The following ZNF827 variants were observed in gnomAD, a reference collection of about 807,000 sequenced individuals.
The protein encoded by ZNF827 is zinc finger protein 827.
A neutral mutation model predicts 102.4 loss-of-function variants in ZNF827; 13 were observed. That is an observed-to-expected ratio of 0.13 (90% CI 0.08 to 0.20). The LOEUF is 0.20. ZNF827 is among the 10% of genes least tolerant of loss of function. The pLI is 1.00. For missense variants in ZNF827, 1,103 were observed against 1,344.4 expected, an observed-to-expected ratio of 0.82 and a Z score of 2.81; for synonymous variants, 523 against 536.2, an observed-to-expected ratio of 0.98 and a Z score of 0.34.
chr4:145,924,516 C>G (rs374070370), intron 1 of ZNF827, among the ~76,000 whole-genome samples: 1 of 152,320 alleles, frequency 6.6e-6, no homozygotes, highest in African/African-American at 2.4e-5. Flanking sequence ...AGGGCAAGCC[C>G]TGGCTGAGTG....
intron 7 of ZNF827, among the ~76,000 whole-genome samples, chr4:145,842,920 G>C (rs940572679): frequency 1.3e-5 from 2 of 152,144 alleles, no homozygotes; most frequent in African/African-American, 4.8e-5. Context: ...TTAAAAATCT[G>C]AAGATACAGA....
chr4:145,934,618 G>C (rs1754029082), intron 1 of ZNF827, among the ~76,000 whole-genome samples: 1 of 152,226 alleles, frequency 6.6e-6, no homozygotes, highest in Admixed American at 6.5e-5. Context: ...ATAATACCAA[G>C]TGCTAGTCTG....
chr4:145,903,022 G>A lies in ZNF827; in HGVS notation c.237C>T (p.His79=), dbSNP rs375468272. The A allele has an allele frequency of 4.3e-6, 7 of 1,614,188 alleles. No homozygotes were observed. The South Asian group carries it at 6.6e-5, about 15-fold the overall frequency. ...TSLGSTTPSS[H]TLELVALDSE... ...TGTCCAGTGCCACCAGCTCCAACGTGTGGCTGCTGGGAGTCGTGCTTCCCA... is the reference window on the plus strand; with the variant it reads ...TGTCCAGTGCCACCAGCTCCAACGTATGGCTGCTGGGAGTCGTGCTTCCCA... The change falls in exon 2 of 15, where the codon CAC becomes CAT. Residue 79 remains histidine (H), a synonymous_variant. Coordinates refer to ENST00000508784, the MANE Select transcript of ZNF827 (RefSeq NM_001306215.2).
At chr4:145,818,413 G>A (rs1234529735) in intron 8 of ZNF827, among the ~76,000 whole-genome samples, 1 of 152,188 alleles carries the variant, frequency 6.6e-6, no homozygotes, top group East Asian at 1.9e-4. Context: ...GTTGTTTCCA[G>A]AATTAAAAAT....
chr4:145,924,240 A>G (rs1362976066), intron 1 of ZNF827, among the ~76,000 whole-genome samples: 11 of 152,230 alleles, frequency 7.2e-5, no homozygotes, highest in African/African-American at 1.4e-4. Context: ...GAAAAACAAT[A>G]AACAGAGAAT....
intron 8 of ZNF827, among the ~76,000 whole-genome samples, chr4:145,809,038 C>A (rs1238533195): frequency 6.6e-6 from 1 of 152,182 alleles, no homozygotes; most frequent in Non-Finnish European, 1.5e-5. Context: ...TGGCCTCAAA[C>A]AATCCTCCTG....
intron 8 of ZNF827, among the ~76,000 whole-genome samples, chr4:145,780,635 A>G (rs947684128): frequency 2.6e-5 from 4 of 152,242 alleles, no homozygotes; most frequent in African/African-American, 9.6e-5. Context: ...TTATACAAAC[A>G]TTCCTCCTAT....
At chr4:145,937,580 G>T (rs1754298096) in intron 1 of ZNF827, among the ~76,000 whole-genome samples, 1 of 139,948 alleles carries the variant, frequency 7.1e-6, no homozygotes, top group Admixed American at 7.0e-5. Flanking sequence ...GCCCCGGCGC[G>T]CCCCCTCGCC....
chr4:145,921,245 A>C (rs1017804627), intron 1 of ZNF827, among the ~76,000 whole-genome samples: 2 of 152,230 alleles, frequency 1.3e-5, no homozygotes, highest in East Asian at 1.9e-4. Context: ...TAAAACAAGG[A>C]GTATACAACA....
chr4:145,778,915 G>T, intron 9 of ZNF827, among the ~76,000 whole-genome samples: 1 of 151,762 alleles, frequency 6.6e-6, no homozygotes. Flanking sequence ...TGTTAACTTG[G>T]TTGCCTTCCC....
At chr4:145,905,317 C>T (rs1751759555) in intron 1 of ZNF827, among the ~76,000 whole-genome samples, 1 of 152,154 alleles carries the variant, frequency 6.6e-6, no homozygotes, top group Non-Finnish European at 1.5e-5. Flanking sequence ...AATGCATGAA[C>T]CATACACTAA....
At chr4:145,883,847 C>T (rs1242100440) in intron 4 of ZNF827, among the ~76,000 whole-genome samples, 1 of 152,068 alleles carries the variant, frequency 6.6e-6, no homozygotes, top group Non-Finnish European at 1.5e-5. Context: ...ATAAAAGGAG[C>T]CCCCTTTGCT....
chr4:145,760,872 AG>A lies in ZNF827; in HGVS notation c.*743del. On this transcript the variant is annotated 3_prime_UTR_variant, in exon 15 of 15. Transcript: ENST00000508784. ...TGGGAGGCGCAGTCTGAGGTCGGGG[AG>A]GGTGGAATGTGAGATCCAAGTGGTT... 1 of 1,223,958 alleles carries A rather than the reference AG, an allele frequency of 8.2e-7. No homozygotes were observed. The highest frequency in any genetic ancestry group is 1.4e-5 in the South Asian group (1 of 69,228). 75.8% of individuals were successfully genotyped at this position (1,223,958 alleles called of 1,614,324 possible).
chr4:145,801,833 A>G (rs1313693781), intron 8 of ZNF827, among the ~76,000 whole-genome samples: 3 of 151,934 alleles, frequency 2.0e-5, no homozygotes, highest in African/African-American at 7.3e-5. Flanking sequence ...TTCCCTTTCA[A>G]TACGTATGCT....
chr4:145,765,284 T>C lies in ZNF827; in HGVS notation c.3053-119A>G. ...CCTCCGACGCCTGACAGCTATACCC[T>C]TCCAGGCACTGTTCCCCATATCTCT... On this transcript the variant is annotated intron_variant, in intron 12 of 14. Coordinates refer to ENST00000508784, the MANE Select transcript of ZNF827 (RefSeq NM_001306215.2). The surrounding 1 kb of genome is among the most constrained non-coding windows in gnomAD (Gnocchi z 4.7). The C allele has an allele frequency of 8.7e-7, 1 of 1,147,798 alleles. No individual in the cohort carries two copies. The highest frequency in any genetic ancestry group is 1.2e-6 in the Non-Finnish European group (1 of 832,176). 71.1% of individuals were successfully genotyped at this position (1,147,798 alleles called of 1,614,324 possible). A position where few individuals can be genotyped will look rare whatever the true frequency, so the allele number is the denominator to read the frequency against.
intron 7 of ZNF827, among the ~76,000 whole-genome samples, chr4:145,833,998 G>A (rs1030865924): frequency 2.6e-5 from 4 of 151,846 alleles, no homozygotes; most frequent in African/African-American, 4.8e-5. Flanking sequence ...TTCACTATGG[G>A]CAACCTTCCA....
At chr4:145,935,478 G>A (rs1485717792) in intron 1 of ZNF827, among the ~76,000 whole-genome samples, 3 of 152,150 alleles carry the variant, frequency 2.0e-5, no homozygotes, top group African/African-American at 4.8e-5. Flanking sequence ...TTAAAAACAT[G>A]TGCAAAACAC....
At chr4:145,937,585 C>G (rs896764978) in intron 1 of ZNF827, among the ~76,000 whole-genome samples, 1 of 146,166 alleles carries the variant, frequency 6.8e-6, no homozygotes, top group Non-Finnish European at 1.5e-5. Flanking sequence ...GGCGCGCCCC[C>G]TCGCCTCGGC....
In ZNF827 at chr4:145,857,937, G is replaced by C. The variant is rs143684960; in HGVS notation, c.1982-8376C>G. On this transcript the variant is annotated intron_variant, in intron 5 of 14. Transcript: ENST00000508784. ...CTAATGTCCAGAATATACTTTTCCT[G>C]TCTCATATTAAAAAGGCAGAAAAAA... is the stretch of plus-strand genomic sequence containing the variant. 6.2e-3 allele frequency among the ~76,000 whole-genome samples: 944 copies of C among 152,042 alleles called. 13 individuals are homozygous for C. The highest frequency in any genetic ancestry group is 0.022 in the African/African-American group (897 of 41,454).
Sources: gnomAD v4.1 joint callset for allele counts (sites outside exome capture counted in the v4.1 genomes callset) on GRCh38, gnomAD v4.1.1 for gene constraint, Gnocchi (gnomAD v3.1) non-coding constraint, MANE v1.5 for transcripts, NCBI Gene and HGNC (gene_info 2026-07-23, HGNC 2026-07-21) for gene names.